The following DIAPH1 variants were observed in gnomAD, a reference collection of about 807,000 sequenced individuals.
DIAPH1 encodes the protein diaphanous related formin 1.
Under a neutral mutation model 140.7 loss-of-function variants are expected in DIAPH1, and 46 were observed. The observed-to-expected ratio is 0.33, with a 90% confidence interval of 0.26 to 0.42. The LOEUF (loss-of-function observed/expected upper bound fraction) is 0.42. DIAPH1 is among the 10% of genes least tolerant of loss of function. DIAPH1 has a pLI of 1.00. For synonymous variants in DIAPH1, 565 were observed against 551.6 expected (o/e 1.02, Z -0.34); for missense variants, 1,310 against 1,558.7 (o/e 0.84, Z 2.69).
At position 141,571,752 on chromosome 5, in the gene DIAPH1, A is replaced by G; in HGVS notation, c.2473+174T>C. 4.2e-6 allele frequency: 3 copies of G among 712,900 alleles called. No individual in the cohort carries two copies. In the East Asian group the frequency reaches 8.1e-5, roughly 19 times the overall value. 44.2% of individuals were successfully genotyped at this position (712,900 alleles called of 1,614,324 possible). A position where few individuals can be genotyped will look rare whatever the true frequency, so the allele number is the denominator to read the frequency against. On this transcript the variant is annotated intron_variant, in intron 17 of 27. Coordinates refer to ENST00000389054, the MANE Select transcript of DIAPH1 (RefSeq NM_005219.5). ...TCTCTTTCCCAAACCAAGTAACTCC[A>G]TAATATTTAATACAAAAACATCTTT...
chr5:141,575,508 G>A (rs2099895829), intron 14 of DIAPH1, among the ~76,000 whole-genome samples: 1 of 152,070 alleles, frequency 6.6e-6, no homozygotes, highest in Non-Finnish European at 1.5e-5. Context: ...AATTAGCCGG[G>A]CATGGTGGTG....
intron 26 of DIAPH1, 95 bp downstream of exon 26, chr5:141,525,943 G>T: frequency 6.3e-7 from 1 of 1,592,248 alleles, no homozygotes; most frequent in East Asian, 2.2e-5. Context: ...TTGCCAGGAG[G>T]TGAGCTCAGA....
intron 18 of DIAPH1, among the ~76,000 whole-genome samples, chr5:141,559,786 G>C (rs2099893230): frequency 6.6e-6 from 1 of 152,130 alleles, no homozygotes; most frequent in South Asian, 2.1e-4. Flanking sequence ...AAGAGGACAG[G>C]TTTATGCAAG....
At chr5:141,608,839 G>C (rs762794445) in intron 1 of DIAPH1, among the ~76,000 whole-genome samples, 1 of 152,172 alleles carries the variant, frequency 6.6e-6, no homozygotes, top group South Asian at 2.1e-4. Flanking sequence ...AGGTCTTTAA[G>C]AATACCAAAC....
chr5:141,606,577 TAG>T (rs1318889577), intron 1 of DIAPH1, among the ~76,000 whole-genome samples: 1 of 152,138 alleles, frequency 6.6e-6, no homozygotes, highest in East Asian at 1.9e-4. Flanking sequence ...GTATTTTTAG[TAG>T]AGACGGGGTT....
chr5:141,539,561 T>C (rs367948819), intron 18 of DIAPH1, among the ~76,000 whole-genome samples: 96 of 152,026 alleles, frequency 6.3e-4, no homozygotes, highest in African/African-American at 2.4e-4. Context: ...TGAGCCACCG[T>C]GCCCCCAGCC....
At chr5:141,587,588 A>G (rs994397256) in intron 2 of DIAPH1, 1 of 269,134 alleles carries the variant, frequency 3.7e-6, no homozygotes, top group African/African-American at 2.2e-5. Flanking sequence ...TGTTGCTAGG[A>G]CCCCAGAGGA....
At position 141,536,228 on chromosome 5, in the gene DIAPH1, G is replaced by C. The variant is rs1427375045; in HGVS notation, c.2483-1795C>G. On this transcript the variant is annotated intron_variant, in intron 18 of 27. Transcript: ENST00000389054. ...GACGTGGGAAAATCACCTGAGCCCAGGAGATTGAGGCTGCAGTGAGCTGTG... is the reference window on the plus strand; with the variant it reads ...GACGTGGGAAAATCACCTGAGCCCACGAGATTGAGGCTGCAGTGAGCTGTG... Among the ~76,000 whole-genome samples, 3 of 152,266 alleles carry C rather than the reference G, an allele frequency of 2.0e-5. No homozygotes were observed. In the South Asian group the frequency reaches 6.2e-4, roughly 32 times the overall value.
At chr5:141,529,327 C>T (rs2099887855) in intron 20 of DIAPH1, 54 bp from the exon 21 acceptor site, 1 of 1,417,410 alleles carries the variant, frequency 7.1e-7, no homozygotes. Context: ...ACAACTCAAG[C>T]CTAAACAACT....
At chr5:141,610,285 C>T (rs2099901610) in intron 1 of DIAPH1, among the ~76,000 whole-genome samples, 1 of 152,080 alleles carries the variant, frequency 6.6e-6, no homozygotes, top group African/African-American at 2.4e-5. Context: ...GCACCCACCA[C>T]CACACCCGGC....
At chr5:141,523,384 T>C (rs908689953) in intron 27 of DIAPH1, among the ~76,000 whole-genome samples, 1 of 152,210 alleles carries the variant, frequency 6.6e-6, no homozygotes, top group African/African-American at 2.4e-5. Flanking sequence ...ATACCTTCCT[T>C]TGAATTAGTC....
intron 1 of DIAPH1, among the ~76,000 whole-genome samples, chr5:141,611,974 G>A (rs996377542): frequency 3.9e-5 from 6 of 152,232 alleles, no homozygotes; most frequent in Non-Finnish European, 8.8e-5. Context: ...GGCTGAGGCA[G>A]GAGAATCCCT....
At chr5:141,547,071 C>T (rs1309547312) in intron 18 of DIAPH1, among the ~76,000 whole-genome samples, 1 of 152,058 alleles carries the variant, frequency 6.6e-6, no homozygotes, top group Non-Finnish European at 1.5e-5. Flanking sequence ...TTACAGTTTC[C>T]CAAAAAGGAC....
chr5:141,517,713 G>A (rs1179613911), intron 27 of DIAPH1, among the ~76,000 whole-genome samples: 1 of 152,138 alleles, frequency 6.6e-6, no homozygotes, highest in Non-Finnish European at 1.5e-5. Flanking sequence ...TGCCAGGGAA[G>A]CAGAACTGGG....
At chr5:141,528,426 C>G (rs750324443) in intron 23 of DIAPH1, 27 bp downstream of exon 23, 4 of 1,613,798 alleles carry the variant, frequency 2.5e-6, no homozygotes, top group Non-Finnish European at 3.4e-6. Context: ...GACTTTTGGG[C>G]TCTAGCTTCA....
At chr5:141,574,348 ATCACCTAAAG>A in intron 15 of DIAPH1, 140 bp from the exon 16 acceptor site, 1 of 852,254 alleles carries the variant, frequency 1.2e-6, no homozygotes, top group Non-Finnish European at 1.8e-6. Context: ...AGATGACATG[ATCACCTAAAG>A]TCACACGGCT....
rs1423948383 is a variant in DIAPH1, at chr5:141,517,005, T to C, written c.3665A>G (p.Asn1222Ser). Residue 1222 changes from asparagine to serine, a missense_variant, in exon 28 of 28, where the codon AAC becomes AGC. Physicochemically the swap from Asn to Ser is conservative, Grantham distance 46. Coordinates refer to ENST00000389054, the MANE Select transcript of DIAPH1 (RefSeq NM_005219.5). ...TGTGACTGCACACCCGGCCTTCCTGTTGGCTGCAAGAGAAGACGAGAGATT... is the reference window on the plus strand; with the variant it reads ...TGTGACTGCACACCCGGCCTTCCTGCTGGCTGCAAGAGAAGACGAGAGATT... ...FRRKRGPRQA[N>S]RKAGCAVTSL... 2 of 1,614,046 alleles carry C rather than the reference T, an allele frequency of 1.2e-6. No homozygotes were observed. The highest frequency in any genetic ancestry group is 2.7e-5 in the African/African-American group (2 of 74,924).
chr5:141,616,379 T>A (rs552198861), intron 1 of DIAPH1, among the ~76,000 whole-genome samples: 1 of 152,198 alleles, frequency 6.6e-6, no homozygotes, highest in Non-Finnish European at 1.5e-5. Flanking sequence ...TCCAAACCAG[T>A]GCAGTTTTAT....
At chr5:141,546,880 C>T (rs907833786) in intron 18 of DIAPH1, among the ~76,000 whole-genome samples, 17 of 152,188 alleles carry the variant, frequency 1.1e-4, no homozygotes, top group African/African-American at 4.1e-4. Context: ...TATTATCTGT[C>T]TAGAGAGGAA....
Sources: gnomAD v4.1 joint callset for allele counts (sites outside exome capture counted in the v4.1 genomes callset) on GRCh38, gnomAD v4.1.1 for gene constraint, MANE v1.5 for transcripts, NCBI Gene and HGNC (gene_info 2026-07-23, HGNC 2026-07-21) for gene names.